Variants in GLIS3 observed in about 807,000 individuals in gnomAD.
The protein encoded by GLIS3 is zinc finger protein GLIS3.
GLIS3 carries 53 observed loss-of-function variants against 78.6 expected under a neutral mutation model. That is an observed-to-expected ratio of 0.67 (90% CI 0.54 to 0.85). GLIS3 has a LOEUF of 0.85. GLIS3 is among the 40% of genes least tolerant of loss of function. GLIS3 has a pLI of 0.00. For synonymous variants in GLIS3, 684 were observed against 509.9 expected, an observed-to-expected ratio of 1.34 and a Z score of -4.60; for missense variants, 1,703 against 1,231.1, an observed-to-expected ratio of 1.38 and a Z score of -5.74.
chr9:4,078,850 A>G (rs1828301262), intron 4 of GLIS3, among the ~76,000 whole-genome samples: 1 of 152,180 alleles, frequency 6.6e-6, no homozygotes, highest in African/African-American at 2.4e-5. Context: ...CAGAGAGGGC[A>G]TTGGATCATC....
intron 2 of GLIS3, among the ~76,000 whole-genome samples, chr9:4,185,565 A>C (rs1397466042): frequency 6.6e-6 from 1 of 152,144 alleles, no homozygotes; most frequent in African/African-American, 2.4e-5. Context: ...TGTATTCATC[A>C]ATGTCCCATA....
At chr9:4,179,754 T>C (rs1445746880) in intron 2 of GLIS3, among the ~76,000 whole-genome samples, 1 of 151,546 alleles carries the variant, frequency 6.6e-6, no homozygotes, top group Non-Finnish European at 1.5e-5. Context: ...TACTAAAAAT[T>C]CAAAAATTAG....
At chr9:4,012,580 T>C (rs1455338557) in intron 4 of GLIS3, among the ~76,000 whole-genome samples, 1 of 152,124 alleles carries the variant, frequency 6.6e-6, no homozygotes, top group Non-Finnish European at 1.5e-5. Context: ...GTGATTCATG[T>C]TTCTGTTGGA....
chr9:4,357,292 C>T, the GLIS3 span, among the ~76,000 whole-genome samples: 2 of 152,146 alleles, frequency 1.3e-5, no homozygotes, highest in African/African-American at 4.8e-5. Flanking sequence ...AAGCAGATTG[C>T]CCCTCCCAAG....
At chr9:4,213,876 C>T (rs963451151) in intron 2 of GLIS3, among the ~76,000 whole-genome samples, 1 of 149,530 alleles carries the variant, frequency 6.7e-6, no homozygotes, top group Admixed American at 6.7e-5. Flanking sequence ...AAGTGTCCTG[C>T]TTTTGTGGAG....
At chr9:4,337,549 C>CA (rs1323853432) in intron 2 of GLIS3, among the ~76,000 whole-genome samples, 5 of 151,988 alleles carry the variant, frequency 3.3e-5, no homozygotes, top group Non-Finnish European at 2.9e-5. Context: ...CCTTTATAAT[C>CA]AAAAAAATAT....
the GLIS3 span, among the ~76,000 whole-genome samples, chr9:4,371,782 T>C: frequency 6.6e-6 from 1 of 152,348 alleles, no homozygotes; most frequent in South Asian, 2.1e-4. Context: ...TCCTACAAAA[T>C]GAATTTAAAA....
Position 4,118,858 on chromosome 9 carries a change from A to G in GLIS3, c.620T>C (p.Leu207Ser), listed in dbSNP as rs775762657. The change falls in exon 4 of 11, where the codon TTG (leucine) becomes TCG (serine). Residue 207 changes from leucine to serine, a missense_variant. By Grantham distance (145) the Leu-to-Ser change is moderately radical. Coordinates refer to ENST00000381971, the MANE Select transcript of GLIS3 (RefSeq NM_001042413.2). This position sits in a 1 kb window ranked among gnomAD's most constrained non-coding sequence, Gnocchi z 4.7. ...DTRSLISRESLASTTLSLTES... is the reference protein window; with the variant it reads ...DTRSLISRESSASTTLSLTES... The stretch of plus-strand genomic sequence containing the variant: ...CGTCAGACTCAAGGTCGTGGACGCC[A>G]AAGACTCACGCGAAATAAGGGACCT... 1.2e-6 allele frequency: 2 copies of G among 1,602,564 alleles called. No individual in the cohort carries two copies. Among genetic ancestry groups the G allele is most frequent in the South Asian group, 1.1e-5 (1 of 91,078 alleles).
intron 4 of GLIS3, among the ~76,000 whole-genome samples, chr9:4,023,650 T>C (rs1823067695): frequency 6.6e-6 from 1 of 152,206 alleles, no homozygotes; most frequent in Non-Finnish European, 1.5e-5. Context: ...TCAGGTTTTC[T>C]ACAAGACAAA....
the GLIS3 span, among the ~76,000 whole-genome samples, chr9:4,463,153 T>C: frequency 3.3e-5 from 5 of 152,214 alleles, no homozygotes; most frequent in Non-Finnish European, 7.4e-5. Context: ...AGTGAATATG[T>C]TGGTTGTCAC....
At chr9:4,117,664 C>A in intron 4 of GLIS3, 104 bp downstream of exon 4, 2 of 1,274,018 alleles carry the variant, frequency 1.6e-6, no homozygotes, top group Non-Finnish European at 2.3e-6. Context: ...GATACCTAGA[C>A]CCCCACGCAT....
At chr9:4,298,051 C>T (rs967270349) in intron 1 of GLIS3, among the ~76,000 whole-genome samples, 3 of 152,132 alleles carry the variant, frequency 2.0e-5, no homozygotes, top group Non-Finnish European at 4.4e-5. Flanking sequence ...CGCGAGCGAG[C>T]GAGGGAGCGA....
intron 2 of GLIS3, among the ~76,000 whole-genome samples, chr9:4,141,167 A>T (rs1279417074): frequency 6.6e-6 from 1 of 152,138 alleles, no homozygotes; most frequent in African/African-American, 2.4e-5. Context: ...GGTGCTCTGA[A>T]GGTGGCAGAG....
chr9:4,479,764 G>C, the GLIS3 span, among the ~76,000 whole-genome samples: 1 of 152,110 alleles, frequency 6.6e-6, no homozygotes, highest in Non-Finnish European at 1.5e-5. Flanking sequence ...GGGAGTGGGA[G>C]ACAGAGCTGC....
intron 6 of GLIS3, among the ~76,000 whole-genome samples, chr9:3,918,523 G>C (rs1261406831): frequency 6.6e-6 from 1 of 152,158 alleles, no homozygotes; most frequent in South Asian, 2.1e-4. Flanking sequence ...ATGGGAACTA[G>C]GACTTAAACA....
At chr9:4,132,980 G>A (rs1433398049) in intron 2 of GLIS3, among the ~76,000 whole-genome samples, 2 of 152,100 alleles carry the variant, frequency 1.3e-5, no homozygotes, top group African/African-American at 2.4e-5. Context: ...GGATTAAAAG[G>A]GTTAGTAAAT....
the GLIS3 span, among the ~76,000 whole-genome samples, chr9:4,484,245 T>A: frequency 0.012 from 1,844 of 148,598 alleles, 29 homozygotes; most frequent in South Asian, 0.054. Flanking sequence ...TTTTATTTTT[T>A]TTATTTTTTT....
chr9:4,169,182 C>A (rs191997978), intron 2 of GLIS3, among the ~76,000 whole-genome samples: 1 of 152,244 alleles, frequency 6.6e-6, no homozygotes, highest in East Asian at 1.9e-4. Flanking sequence ...CTTTTTATCT[C>A]ATAAATGAGA....
intron 2 of GLIS3, among the ~76,000 whole-genome samples, chr9:4,270,858 T>A (rs1030621146): frequency 6.6e-6 from 1 of 151,856 alleles, no homozygotes; most frequent in Admixed American, 6.6e-5. Context: ...CAATTCCTCA[T>A]AATAAATCAA....
Sources: gnomAD v4.1 joint callset for allele counts (sites outside exome capture counted in the v4.1 genomes callset) on GRCh38, gnomAD v4.1.1 for gene constraint, Gnocchi (gnomAD v3.1) non-coding constraint, MANE v1.5 for transcripts, NCBI Gene and HGNC (gene_info 2026-07-23, HGNC 2026-07-21) for gene names.